INSC: variants seen among roughly 807,000 people sequenced by gnomAD.
INSC encodes the protein protein inscuteable homolog.
In INSC, 67 loss-of-function variants were observed where a neutral mutation model predicts 58.6. The ratio of observed to expected loss-of-function variants is 1.14; its 90% CI spans 0.94 to 1.40. INSC has a LOEUF of 1.40. Ranked by LOEUF, INSC falls within the 40% of genes most tolerant of loss-of-function variation. The pLI is 0.00. For missense variants in INSC, 714 were observed against 692.0 expected (o/e 1.03, Z -0.36); for synonymous variants, 262 against 276.1 (o/e 0.95, Z 0.51).
At chr11:15,115,591 C>G (rs1847673143) in intron 1 of INSC, among the ~76,000 whole-genome samples, 3 of 152,194 alleles carry the variant, frequency 2.0e-5, no homozygotes, top group African/African-American at 7.2e-5. Context: ...CTAACCCCAT[C>G]TGGCTAGACC....
At chr11:15,143,533 T>A (rs1313940412) in intron 1 of INSC, among the ~76,000 whole-genome samples, 4 of 152,128 alleles carry the variant, frequency 2.6e-5, no homozygotes, top group African/African-American at 4.8e-5. Flanking sequence ...GTGAGGCAAG[T>A]AGGCCATGGC....
chr11:15,156,440 T>G (rs543145981), intron 2 of INSC, among the ~76,000 whole-genome samples: 1 of 152,198 alleles, frequency 6.6e-6, no homozygotes, highest in Admixed American at 6.5e-5. Context: ...TGGTCTCACA[T>G]TGCCTGGATT....
In INSC at chr11:15,221,809, A is replaced by AT. The variant is rs534894605; in HGVS notation, c.991+163dup. Among the ~76,000 whole-genome samples the AT allele has an allele frequency of 1.2e-4, 19 of 152,274 alleles. No individual in the cohort carries two copies. In the East Asian group the frequency reaches 3.3e-3, roughly 26 times the overall value. ...GAAATCCCACAATTAATGGATCTGA[A>AT]TTAGGCTTTGATGAGCTCTATTATC... On this transcript the variant is annotated intron_variant, in intron 8 of 12. Coordinates refer to ENST00000379556, the MANE Select transcript of INSC (RefSeq NM_001042536.3).
intron 5 of INSC, among the ~76,000 whole-genome samples, chr11:15,180,784 C>T (rs1338367962): frequency 6.6e-6 from 1 of 152,020 alleles, no homozygotes; most frequent in African/African-American, 2.4e-5. Flanking sequence ...TGCTTTCCCC[C>T]TTCCCTGCCA....
intron 7 of INSC, among the ~76,000 whole-genome samples, chr11:15,203,859 C>CA (rs1207646737): frequency 1.3e-5 from 2 of 148,356 alleles, no homozygotes; most frequent in African/African-American, 2.5e-5. Flanking sequence ...GAAAAAAAAA[C>CA]AGAAGAAGAA....
chr11:15,200,833 G>T lies in INSC; in HGVS notation c.703G>T (p.Val235Phe). 1.9e-6 allele frequency: 3 copies of T among 1,614,056 alleles called. No individual in the cohort carries two copies. Among genetic ancestry groups the T allele is most frequent in the Non-Finnish European group, 2.5e-6 (3 of 1,180,002 alleles). The change falls in exon 7 of 13, where the codon GTC becomes TTC. Residue 235 changes from valine (V) to phenylalanine (F), a missense_variant. Coordinates refer to ENST00000379556, the MANE Select transcript of INSC (RefSeq NM_001042536.3). ...LCRIIAKEGG[V>F]VALFKVCRQD... ...TTCTTTCTCTTGGCAGGAGGGTGGG[G>T]TCGTAGCACTCTTCAAGGTTTGCCG...
At chr11:15,160,828 C>G (rs1848992612) in intron 2 of INSC, among the ~76,000 whole-genome samples, 1 of 152,196 alleles carries the variant, frequency 6.6e-6, no homozygotes, top group South Asian at 2.1e-4. Context: ...CATTAGGGTG[C>G]TGGACAAACT....
At chr11:15,221,001 G>C (rs1589985724) in intron 7 of INSC, among the ~76,000 whole-genome samples, 1 of 152,238 alleles carries the variant, frequency 6.6e-6, no homozygotes, top group Admixed American at 6.5e-5. Context: ...ATCTCTTCTA[G>C]ATCAGGCATT....
the INSC span, among the ~76,000 whole-genome samples, chr11:15,258,349 A>G: frequency 6.6e-6 from 1 of 152,198 alleles, no homozygotes. Flanking sequence ...CCAGTTATGC[A>G]GAAGAAAACA....
chr11:15,150,845 G>A (rs1413711191), intron 2 of INSC, among the ~76,000 whole-genome samples: 4 of 152,220 alleles, frequency 2.6e-5, no homozygotes, highest in Admixed American at 6.5e-5. Context: ...GGGGCTAAGT[G>A]GTTGAAAGCA....
chr11:15,221,340 A>G, intron 7 of INSC, 137 bp from the exon 8 acceptor site: 1 of 966,202 alleles, frequency 1.0e-6, no homozygotes, highest in Non-Finnish European at 1.5e-6. Context: ...CTGGTTCCAC[A>G]TGGGGTCCTG....
intron 7 of INSC, among the ~76,000 whole-genome samples, chr11:15,201,318 G>A (rs1167507140): frequency 2.0e-5 from 3 of 152,168 alleles, no homozygotes; most frequent in African/African-American, 7.2e-5. Context: ...AAAGACGGAA[G>A]AGGATCCAGA....
the INSC span, among the ~76,000 whole-genome samples, chr11:15,262,655 AACACACACAC>A: frequency 6.1e-5 from 9 of 146,780 alleles, no homozygotes; most frequent in African/African-American, 2.0e-4. Context: ...CTGGGTGATA[AACACACACAC>A]ACACACACAC....
Position 15,117,065 on chromosome 11 carries a change from C to T in INSC, c.-46+2062C>T, listed in dbSNP as rs943296833. Among the ~76,000 whole-genome samples the T allele has an allele frequency of 6.0e-5, 9 of 150,798 alleles. No homozygotes were observed. The South Asian group carries it at 1.7e-3, about 28-fold the overall frequency. ...TCAAGCGATTCTCCTGCCTCAGCCC[C>T]TGAGTAGCTGGGATTATAGACCCCC... On this transcript the variant is annotated intron_variant, in intron 1 of 12. Transcript: ENST00000379556.
At chr11:15,157,731 G>C (rs900603596) in intron 2 of INSC, among the ~76,000 whole-genome samples, 1 of 152,164 alleles carries the variant, frequency 6.6e-6, no homozygotes, top group Non-Finnish European at 1.5e-5. Context: ...AAATTGAGAA[G>C]GGCACTTATT....
At chr11:15,152,947 A>G (rs938229277) in intron 2 of INSC, among the ~76,000 whole-genome samples, 4 of 152,238 alleles carry the variant, frequency 2.6e-5, no homozygotes, top group Admixed American at 2.0e-4. Context: ...TATGGTGCTT[A>G]AACCTGAGTG....
At chr11:15,185,256 A>G (rs771031489) in intron 5 of INSC, among the ~76,000 whole-genome samples, 1 of 152,202 alleles carries the variant, frequency 6.6e-6, no homozygotes, top group Non-Finnish European at 1.5e-5. Context: ...GCAATGTAGT[A>G]CACAAACTCC....
At chr11:15,260,871 T>G in the INSC span, among the ~76,000 whole-genome samples, 1 of 152,162 alleles carries the variant, frequency 6.6e-6, no homozygotes, top group Admixed American at 6.6e-5. Flanking sequence ...ATTAGTTAGC[T>G]TAAATATAAT....
the INSC span, among the ~76,000 whole-genome samples, chr11:15,264,628 T>C: frequency 1.3e-5 from 2 of 149,928 alleles, no homozygotes; most frequent in African/African-American, 4.9e-5. Context: ...TTGCTGTATC[T>C]CTATTCTGCT....
Sources: allele counts gnomAD v4.1 joint callset (sites outside exome capture counted in the v4.1 genomes callset), GRCh38; gene constraint gnomAD v4.1.1; transcripts MANE v1.5; gene names NCBI Gene and HGNC (gene_info 2026-07-23, HGNC 2026-07-21).